PPP3CA: variants seen among roughly 807,000 people sequenced by gnomAD.
The protein encoded by PPP3CA is CAM-PRP catalytic subunit.
In PPP3CA, 14 loss-of-function variants were observed where a neutral mutation model predicts 66.5. The ratio of observed to expected loss-of-function variants is 0.21; its 90% confidence interval spans 0.14 to 0.33. PPP3CA has a LOEUF of 0.33. Among genes scored for constraint, PPP3CA ranks in the 10% least tolerant of loss-of-function variants. PPP3CA has a pLI of 1.00. For synonymous variants in PPP3CA, 232 were observed against 226.2 expected, an observed-to-expected ratio of 1.03 and a Z score of -0.23; for missense variants, 317 against 639.5, an observed-to-expected ratio of 0.50 and a Z score of 5.44.
intron 1 of PPP3CA, among the ~76,000 whole-genome samples, chr4:101,239,376 T>C (rs1020275446): frequency 1.3e-5 from 2 of 152,078 alleles, no homozygotes; most frequent in Admixed American, 6.6e-5. Context: ...CAAAATCGAA[T>C]TGTCTAATTG....
chr4:101,031,711 A>ATGT (rs1359707958), intron 12 of PPP3CA, among the ~76,000 whole-genome samples: 2 of 151,336 alleles, frequency 1.3e-5, no homozygotes, highest in Non-Finnish European at 1.5e-5. Flanking sequence ...TATAAAGGAA[A>ATGT]TGTTACTCTT....
intron 1 of PPP3CA, among the ~76,000 whole-genome samples, chr4:101,210,420 AT>A (rs1725264958): frequency 6.6e-6 from 1 of 152,174 alleles, no homozygotes; most frequent in African/African-American, 2.4e-5. Flanking sequence ...ACATTATTTA[AT>A]TGTTCTATGC....
chr4:101,061,236 T>C lies in PPP3CA; in HGVS notation c.1082-75A>G. Reference sequence around the variant, plus strand: ...TTAACTATTACTCTGGCATTGTTAATGAGCAAACTTAGCAATAACATTTCT... The same window carrying C: ...TTAACTATTACTCTGGCATTGTTAACGAGCAAACTTAGCAATAACATTTCT... On this transcript the variant is annotated intron_variant, in intron 9 of 13. Transcript: ENST00000394854. 4.9e-6 allele frequency: 6 copies of C among 1,232,926 alleles called. 1 individual carries two copies. The South Asian group carries it at 4.9e-5, about 10-fold the overall frequency. 76.4% of individuals were successfully genotyped at this position (1,232,926 alleles called of 1,614,324 possible).
chr4:101,205,112 T>G (rs553127521), intron 1 of PPP3CA, among the ~76,000 whole-genome samples: 4 of 151,902 alleles, frequency 2.6e-5, no homozygotes, highest in African/African-American at 4.8e-5. Flanking sequence ...TATACATTTA[T>G]TTTTTGGCCT....
At chr4:101,038,620 G>A (rs1157046344) in intron 11 of PPP3CA, among the ~76,000 whole-genome samples, 2 of 151,744 alleles carry the variant, frequency 1.3e-5, no homozygotes, top group Admixed American at 1.3e-4. Flanking sequence ...TGCCTACCTC[G>A]GCCTCCCAAA....
At chr4:101,047,544 AT>A (rs1727821603) in intron 10 of PPP3CA, among the ~76,000 whole-genome samples, 1 of 152,092 alleles carries the variant, frequency 6.6e-6, no homozygotes, top group African/African-American at 2.4e-5. Context: ...GAAATCTTAT[AT>A]TATTCTTTTT....
chr4:101,290,075 G>C (rs1727974632), intron 1 of PPP3CA, among the ~76,000 whole-genome samples: 1 of 152,150 alleles, frequency 6.6e-6, no homozygotes, highest in Non-Finnish European at 1.5e-5. Flanking sequence ...TACCTAGCAA[G>C]ACAAAAGTGA....
At chr4:101,153,004 A>G (rs1026474581) in intron 2 of PPP3CA, among the ~76,000 whole-genome samples, 1 of 152,212 alleles carries the variant, frequency 6.6e-6, no homozygotes, top group Non-Finnish European at 1.5e-5. Flanking sequence ...AGCTTAACAA[A>G]TTCCATTAAA....
chr4:101,322,342 AG>A (rs1729064934), intron 1 of PPP3CA, among the ~76,000 whole-genome samples: 1 of 151,720 alleles, frequency 6.6e-6, no homozygotes, highest in African/African-American at 2.4e-5. Context: ...GAACGAGATT[AG>A]GAAGTGCCCT....
chr4:101,290,771 T>C (rs976096078), intron 1 of PPP3CA, among the ~76,000 whole-genome samples: 1 of 152,136 alleles, frequency 6.6e-6, no homozygotes, highest in African/African-American at 2.4e-5. Context: ...GGTTGCAACT[T>C]AAACATCATC....
At chr4:101,071,837 G>C (rs1728933815) in intron 8 of PPP3CA, among the ~76,000 whole-genome samples, 1 of 152,334 alleles carries the variant, frequency 6.6e-6, no homozygotes, top group Middle Eastern at 3.4e-3. Flanking sequence ...TTTACAATTA[G>C]AGAGTAGTGA....
chr4:101,162,717 C>T (rs1299258461), intron 2 of PPP3CA, among the ~76,000 whole-genome samples: 1 of 152,020 alleles, frequency 6.6e-6, no homozygotes, highest in African/African-American at 2.4e-5. Context: ...TGCATGCACG[C>T]TAATTACATA....
At chr4:101,195,409 T>C (rs1257283997) in intron 2 of PPP3CA, among the ~76,000 whole-genome samples, 1 of 152,162 alleles carries the variant, frequency 6.6e-6, no homozygotes, top group Non-Finnish European at 1.5e-5. Flanking sequence ...AAGACACAGA[T>C]TGTTGGGTCT....
In PPP3CA at chr4:101,309,898, G is replaced by A. The variant is rs1397872187; in HGVS notation, c.58+36841C>T. Among the ~76,000 whole-genome samples, 11 of 152,118 alleles carry A rather than the reference G, an allele frequency of 7.2e-5. No homozygotes were observed. The East Asian group carries it at 9.6e-4, about 13-fold the overall frequency. On this transcript the variant is annotated intron_variant, in intron 1 of 13. Transcript: ENST00000394854. ...TTCCCCTATTTTAAAAAGAAAGTAC[G>A]TATTTATCAACGACACGTTATGATT...
intron 1 of PPP3CA, among the ~76,000 whole-genome samples, chr4:101,291,648 G>A (rs1267956522): frequency 1.3e-5 from 2 of 152,156 alleles, no homozygotes; most frequent in East Asian, 3.9e-4. Flanking sequence ...TTGTTCTCCA[G>A]GACATTTCAA....
intron 2 of PPP3CA, among the ~76,000 whole-genome samples, chr4:101,139,343 G>A (rs1484399211): frequency 1.6e-4 from 13 of 83,202 alleles, no homozygotes; most frequent in African/African-American, 7.8e-4. Flanking sequence ...GTGAGACTCC[G>A]TCTCAAAAAA....
intron 1 of PPP3CA, among the ~76,000 whole-genome samples, chr4:101,308,831 T>C (rs1396847285): frequency 6.6e-6 from 1 of 152,192 alleles, no homozygotes; most frequent in South Asian, 2.1e-4. Flanking sequence ...AAATTTTATA[T>C]ACATAAGATT....
chr4:101,039,049 T>C (rs1321003272), intron 11 of PPP3CA, among the ~76,000 whole-genome samples: 1 of 106,274 alleles, frequency 9.4e-6, no homozygotes. Flanking sequence ...GCACAATAAA[T>C]AAACAAGTGT....
chr4:101,343,349 C>A (rs1422984930), intron 1 of PPP3CA, among the ~76,000 whole-genome samples: 2 of 152,052 alleles, frequency 1.3e-5, no homozygotes, highest in African/African-American at 4.8e-5. Context: ...TAGGGCCAGA[C>A]AAAGCATTCT....
Sources: gnomAD v4.1 joint callset for allele counts (sites outside exome capture counted in the v4.1 genomes callset) on GRCh38, gnomAD v4.1.1 for gene constraint, MANE v1.5 for transcripts, NCBI Gene and HGNC (gene_info 2026-07-23, HGNC 2026-07-21) for gene names.